The following KCNJ6 variants were observed in gnomAD, a reference collection of about 807,000 sequenced individuals.
KCNJ6 encodes potassium inwardly rectifying channel subfamily J member 6, also known as G protein-activated inward rectifier potassium channel 2.
Under a neutral mutation model 34.2 loss-of-function variants are expected in KCNJ6, and 9 were observed. That is an observed-to-expected ratio of 0.26 (90% CI 0.16 to 0.46). KCNJ6 has a LOEUF of 0.46. Ranked by LOEUF, KCNJ6 falls within the 20% of genes least tolerant of loss-of-function variation. The pLI is 1.00. For synonymous variants in KCNJ6, 196 were observed against 207.1 expected (o/e 0.95, Z 0.46); for missense variants, 236 against 531.3 (o/e 0.44, Z 5.46).
chr21:37,852,894 A>G (rs1351723548), intron 1 of KCNJ6, among the ~76,000 whole-genome samples: 1 of 152,168 alleles, frequency 6.6e-6, no homozygotes, highest in Admixed American at 6.5e-5. Flanking sequence ...AAAAAACTCA[A>G]TCGATGGGCT....
chr21:37,655,713 T>C (rs2054460668), intron 3 of KCNJ6, among the ~76,000 whole-genome samples: 1 of 151,248 alleles, frequency 6.6e-6, no homozygotes, highest in Admixed American at 6.6e-5. Flanking sequence ...TGATTCTTAG[T>C]GGTAACCAGG....
chr21:37,745,251 TAGTC>T (rs900052714), intron 2 of KCNJ6, among the ~76,000 whole-genome samples: 1 of 152,012 alleles, frequency 6.6e-6, no homozygotes, highest in African/African-American at 2.4e-5. Flanking sequence ...TGCACCACCA[TAGTC>T]AGCTAGTTTT....
intron 1 of KCNJ6, among the ~76,000 whole-genome samples, chr21:37,877,626 G>T (rs2055685451): frequency 6.6e-6 from 1 of 152,018 alleles, no homozygotes; most frequent in South Asian, 2.1e-4. Context: ...AGACCTGCAG[G>T]CTAAGTTGGC....
chr21:37,776,891 T>C (rs2055145279), intron 2 of KCNJ6, among the ~76,000 whole-genome samples: 1 of 152,240 alleles, frequency 6.6e-6, no homozygotes, highest in Non-Finnish European at 1.5e-5. Flanking sequence ...TTCCCTCTTT[T>C]TCTATTGATT....
At chr21:37,693,917 T>C (rs900276918) in intron 3 of KCNJ6, among the ~76,000 whole-genome samples, 1 of 105,040 alleles carries the variant, frequency 9.5e-6, no homozygotes, top group Non-Finnish European at 1.9e-5. Flanking sequence ...TTCATTCAAT[T>C]ATTTACCATT....
At chr21:37,771,373 G>A (rs1050167478) in intron 2 of KCNJ6, among the ~76,000 whole-genome samples, 8 of 152,182 alleles carry the variant, frequency 5.3e-5, no homozygotes, top group African/African-American at 1.7e-4. Flanking sequence ...CCTGTGGACC[G>A]AAGCTTCAGC....
intron 2 of KCNJ6, among the ~76,000 whole-genome samples, chr21:37,809,557 TAGAA>T (rs1418981780): frequency 1.3e-5 from 2 of 152,166 alleles, no homozygotes; most frequent in African/African-American, 2.4e-5. Context: ...TTATTATTCT[TAGAA>T]AGGAAATTTG....
At chr21:37,893,866 A>G (rs1229806375) in intron 1 of KCNJ6, among the ~76,000 whole-genome samples, 1 of 152,214 alleles carries the variant, frequency 6.6e-6, no homozygotes, top group East Asian at 1.9e-4. Flanking sequence ...TTTGGCAGAG[A>G]GATGCTATAG....
At chr21:37,724,705 T>C (rs1213030698) in intron 2 of KCNJ6, among the ~76,000 whole-genome samples, 2 of 152,042 alleles carry the variant, frequency 1.3e-5, no homozygotes, top group Non-Finnish European at 2.9e-5. Context: ...TTCAGGTGAG[T>C]TCTCCTGTAG....
Position 37,714,551 on chromosome 21 carries a change from G to A in KCNJ6, c.606C>T (p.Thr202=). The A allele has an allele frequency of 1.9e-6, 3 of 1,614,026 alleles. No individual in the cohort carries two copies. The highest frequency in any genetic ancestry group is 1.7e-6 in the Non-Finnish European group (2 of 1,179,994). ...KISQPKKRAE[T]LVFSTHAVIS... is the part of the protein sequence containing the mutation. Reference sequence around the variant, plus strand: ...TCACTGCATGGGTGGAAAAGACCAGGGTCTCTGCCCTCTTCTTGGGTTGAG... The same window carrying A: ...TCACTGCATGGGTGGAAAAGACCAGAGTCTCTGCCCTCTTCTTGGGTTGAG... Residue 202 remains threonine, a synonymous_variant, in exon 3 of 4, where the codon ACC becomes ACT. Coordinates refer to ENST00000609713, the MANE Select transcript of KCNJ6 (RefSeq NM_002240.5). This position sits in a 1 kb window ranked among gnomAD's most constrained non-coding sequence, Gnocchi z 5.9.
At chr21:37,870,399 T>C (rs2055645164) in intron 1 of KCNJ6, among the ~76,000 whole-genome samples, 1 of 152,146 alleles carries the variant, frequency 6.6e-6, no homozygotes, top group South Asian at 2.1e-4. Context: ...AGCTCAGTAT[T>C]TCTCTCTTTG....
intron 2 of KCNJ6, among the ~76,000 whole-genome samples, chr21:37,790,564 A>C (rs1363652687): frequency 6.6e-6 from 1 of 152,198 alleles, no homozygotes; most frequent in Admixed American, 6.5e-5. Context: ...AAAGTTTCAC[A>C]GGCCTCAGTG....
At chr21:37,769,097 A>G (rs955239872) in intron 2 of KCNJ6, among the ~76,000 whole-genome samples, 2 of 152,230 alleles carry the variant, frequency 1.3e-5, no homozygotes, top group Non-Finnish European at 2.9e-5. Context: ...AGCTCTTCAG[A>G]TGCTGCGCAC....
chr21:37,863,406 T>C (rs901762974), intron 1 of KCNJ6, among the ~76,000 whole-genome samples: 5 of 152,208 alleles, frequency 3.3e-5, no homozygotes, highest in Admixed American at 2.6e-4. Flanking sequence ...GTACCAACTT[T>C]GATTTATTGC....
intron 3 of KCNJ6, among the ~76,000 whole-genome samples, chr21:37,687,637 G>A (rs2054621553): frequency 6.6e-6 from 1 of 152,006 alleles, no homozygotes; most frequent in Non-Finnish European, 1.5e-5. Context: ...CTCTCAATGT[G>A]CCTGTTTTAT....
At chr21:37,643,023 GT>G (rs1273182970) in intron 3 of KCNJ6, among the ~76,000 whole-genome samples, 2 of 152,100 alleles carry the variant, frequency 1.3e-5, no homozygotes, top group Non-Finnish European at 2.9e-5. Flanking sequence ...AGACCTCCAA[GT>G]TTTGAGTATG....
intron 2 of KCNJ6, among the ~76,000 whole-genome samples, chr21:37,743,134 G>A (rs1048889858): frequency 2.0e-5 from 3 of 152,170 alleles, no homozygotes; most frequent in Non-Finnish European, 4.4e-5. Flanking sequence ...GATGACAGTG[G>A]CTGGCTTTCA....
chr21:37,715,660 A>G (rs925317188), intron 2 of KCNJ6, among the ~76,000 whole-genome samples: 1 of 152,206 alleles, frequency 6.6e-6, no homozygotes, highest in Non-Finnish European at 1.5e-5. Context: ...GGAGATAGTT[A>G]AAGGTTATAT....
At chr21:37,697,679 T>C (rs905821191) in intron 3 of KCNJ6, among the ~76,000 whole-genome samples, 2 of 152,222 alleles carry the variant, frequency 1.3e-5, no homozygotes, top group African/African-American at 4.8e-5. Context: ...GGGGCCATGT[T>C]GGCAATAGTT....
Sources: allele counts gnomAD v4.1 joint callset (sites outside exome capture counted in the v4.1 genomes callset), GRCh38; gene constraint gnomAD v4.1.1; non-coding constraint Gnocchi (gnomAD v3.1); transcripts MANE v1.5; gene names NCBI Gene and HGNC (gene_info 2026-07-23, HGNC 2026-07-21).